The following GRB10 variants were observed in gnomAD, a reference collection of about 807,000 sequenced individuals.
GRB10 encodes the protein growth factor receptor-bound protein 10.
In GRB10, 20 loss-of-function variants were observed where a neutral mutation model predicts 80.9. The ratio of observed to expected loss-of-function variants is 0.25; its 90% confidence interval spans 0.17 to 0.36. The LOEUF is 0.36. Among genes scored for constraint, GRB10 ranks in the 10% least tolerant of loss-of-function variants. The pLI is 1.00. For missense variants in GRB10, 548 were observed against 747.7 expected, an observed-to-expected ratio of 0.73 and a Z score of 3.12; for synonymous variants, 291 against 291.5, an observed-to-expected ratio of 1.00 and a Z score of 0.02.
intron 14 of GRB10, among the ~76,000 whole-genome samples, 196 bp downstream of exon 14, chr7:50,606,141 G>A (rs1409430112): frequency 1.3e-5 from 2 of 152,196 alleles, no homozygotes; most frequent in East Asian, 3.9e-4. Context: ...AAGAACGGCA[G>A]AGGAATTCAC....
chr7:50,745,148 A>G (rs564927773), intron 3 of GRB10, among the ~76,000 whole-genome samples: 2 of 152,310 alleles, frequency 1.3e-5, no homozygotes, highest in East Asian at 3.9e-4. Context: ...GTAATTACTG[A>G]AAAAAACTCC....
chr7:50,649,744 C>T (rs1007202783), intron 7 of GRB10, among the ~76,000 whole-genome samples: 1 of 152,056 alleles, frequency 6.6e-6, no homozygotes. Context: ...ATATGGGACA[C>T]ATTGGAGAGG....
intron 3 of GRB10, among the ~76,000 whole-genome samples, chr7:50,752,578 G>A (rs866653613): frequency 2.0e-5 from 3 of 152,264 alleles, no homozygotes; most frequent in South Asian, 2.1e-4. Context: ...GCTCTGTGTC[G>A]CTAAGGTAGA....
chr7:50,739,298 T>C (rs533957809), intron 3 of GRB10, among the ~76,000 whole-genome samples: 43 of 152,198 alleles, frequency 2.8e-4, no homozygotes, highest in Non-Finnish European at 4.6e-4. Context: ...ACATTGGGTG[T>C]TCCTAACTGA....
At chr7:50,783,545 C>A (rs1248446913), upstream of GRB10, among the ~76,000 whole-genome samples, 1 of 151,050 alleles carries the variant, frequency 6.6e-6, no homozygotes, top group Non-Finnish European at 1.5e-5. Flanking sequence ...CACACATACT[C>A]CCCCACCCCC....
At chr7:50,742,808 T>C (rs2153697394) in intron 3 of GRB10, among the ~76,000 whole-genome samples, 1 of 152,222 alleles carries the variant, frequency 6.6e-6, no homozygotes, top group East Asian at 1.9e-4. Context: ...TTTCTTTAAA[T>C]TACTGTTGGT....
At chr7:50,772,729 A>C (rs1588044499) in intron 2 of GRB10, among the ~76,000 whole-genome samples, 1 of 152,370 alleles carries the variant, frequency 6.6e-6, no homozygotes, top group East Asian at 1.9e-4. Context: ...CACCAACAGC[A>C]CAGGCAACAA....
chr7:50,662,097 T>C (rs1252485677), intron 7 of GRB10, among the ~76,000 whole-genome samples: 1 of 152,218 alleles, frequency 6.6e-6, no homozygotes, highest in East Asian at 1.9e-4. Flanking sequence ...GTTACTACTG[T>C]CATTACCTGC....
intron 2 of GRB10, among the ~76,000 whole-genome samples, chr7:50,777,026 C>G (rs1349877082): frequency 1.2e-5 from 1 of 80,314 alleles, no homozygotes; most frequent in Non-Finnish European, 2.6e-5. Flanking sequence ...TAACAACACC[C>G]ACTCTCAGTA....
intron 6 of GRB10, among the ~76,000 whole-genome samples, chr7:50,670,793 T>A (rs550492033): frequency 6.6e-6 from 1 of 152,318 alleles, no homozygotes; most frequent in Admixed American, 6.5e-5. Context: ...TGGTTACTTA[T>A]ATAAAAAGGT....
chr7:50,774,051 G>A (rs115518071), intron 2 of GRB10, among the ~76,000 whole-genome samples: 1 of 152,324 alleles, frequency 6.6e-6, no homozygotes, highest in African/African-American at 2.4e-5. Context: ...ACTAATGCAT[G>A]CTACAACATA....
rs567562916 is a variant in GRB10, at chr7:50,613,107, A to G, written c.1096-268T>C. On this transcript the variant is annotated intron_variant, in intron 12 of 18. Coordinates refer to ENST00000401949, the MANE Select transcript of GRB10 (RefSeq NM_001350814.2). ...AGCCATCCTTTGGGAACTTCAGAGG[A>G]GACAGAAAAACAAACTAGCACAGGA... is the stretch of plus-strand genomic sequence containing the variant. Among the ~76,000 whole-genome samples the G allele has an allele frequency of 3.9e-5, 6 of 152,314 alleles. No individual in the cohort carries two copies. The East Asian group carries it at 9.7e-4, about 25-fold the overall frequency.
intron 12 of GRB10, among the ~76,000 whole-genome samples, chr7:50,614,451 CCCACCTCCCCTT>C (rs1184905403): frequency 6.6e-6 from 1 of 152,130 alleles, no homozygotes. Flanking sequence ...CCTCCCTTGC[CCCACCTCCCCTT>C]CCAGCTACTA....
intron 5 of GRB10, among the ~76,000 whole-genome samples, chr7:50,695,026 TC>T (rs1351935913): frequency 6.6e-6 from 1 of 152,054 alleles, no homozygotes; most frequent in Non-Finnish European, 1.5e-5. Context: ...GCTCTCTCCC[TC>T]CCCGTGCCTG....
Position 50,604,057 on chromosome 7 carries a change from G to A in GRB10, c.1485C>T (p.His495=), listed in dbSNP as rs61756585. ...TVIHRTQHWF[H]GRISREESHR... ...GGGATTCCTCCCTGGAGATCCTCCC[G>A]TGAAACCAGTGCTGTGTCCTGTGAA... The change falls in exon 17 of 19, where the codon CAC becomes CAT. Residue 495 remains histidine, a synonymous_variant. Transcript: ENST00000401949. 15,022 of 1,613,962 alleles carry A rather than the reference G, an allele frequency of 9.3e-3. 97 individuals carry two copies. The highest frequency in any genetic ancestry group is 0.016 in the Middle Eastern group (97 of 6,062).
intron 5 of GRB10, among the ~76,000 whole-genome samples, chr7:50,681,189 C>T (rs1325334222): frequency 6.6e-6 from 1 of 152,330 alleles, no homozygotes; most frequent in Non-Finnish European, 1.5e-5. Context: ...TCTACAACCA[C>T]GAAGATGAGG....
chr7:50,630,470 G>A (rs1216562942), intron 7 of GRB10, among the ~76,000 whole-genome samples: 1 of 152,184 alleles, frequency 6.6e-6, no homozygotes, highest in African/African-American at 2.4e-5. Context: ...TCCCTGGGAC[G>A]TGCTTGGATC....
intron 15 of GRB10, 183 bp downstream of exon 15, chr7:50,605,107 G>A: frequency 1.6e-6 from 1 of 622,310 alleles, no homozygotes; most frequent in Non-Finnish European, 2.9e-6. Flanking sequence ...GGGAAAGGCT[G>A]GGTGCTGGGA....
intron 3 of GRB10, 138 bp from the exon 4 acceptor site, chr7:50,732,506 G>A (rs563324534): frequency 3.3e-5 from 21 of 644,072 alleles, no homozygotes; most frequent in Admixed American, 2.8e-4. Context: ...ACACTTGCTC[G>A]GGGCACCAGC....
Sources: allele counts gnomAD v4.1 joint callset (sites outside exome capture counted in the v4.1 genomes callset), GRCh38; gene constraint gnomAD v4.1.1; transcripts MANE v1.5; gene names NCBI Gene and HGNC (gene_info 2026-07-23, HGNC 2026-07-21).